GRK4: variants seen among roughly 807,000 people sequenced by gnomAD.
The protein encoded by GRK4 is G protein-coupled receptor kinase 4.
In GRK4, 73 loss-of-function variants were observed where a neutral mutation model predicts 77.9. The observed-to-expected ratio is 0.94, with a 90% CI of 0.78 to 1.14. GRK4 has a LOEUF of 1.14. Among genes scored for constraint, GRK4 ranks in the 50% most tolerant of loss-of-function variants. The pLI is 0.00. For synonymous variants in GRK4, 257 were observed against 254.4 expected, an observed-to-expected ratio of 1.01 and a Z score of -0.10; for missense variants, 729 against 700.2, an observed-to-expected ratio of 1.04 and a Z score of -0.46.
At chr4:2,971,540 G>C (rs1246008225) in intron 1 of GRK4, among the ~76,000 whole-genome samples, 1 of 152,206 alleles carries the variant, frequency 6.6e-6, no homozygotes, top group Non-Finnish European at 1.5e-5. Flanking sequence ...TGAAGCAGAA[G>C]TGGCCCAAAA....
intron 5 of GRK4, among the ~76,000 whole-genome samples, chr4:3,007,345 A>G (rs1019892740): frequency 2.0e-5 from 3 of 152,226 alleles, no homozygotes; most frequent in Non-Finnish European, 2.9e-5. Flanking sequence ...AGGTTGGGTA[A>G]GTTGGCTCAG....
intron 8 of GRK4, among the ~76,000 whole-genome samples, chr4:3,019,376 C>T (rs1462013105): frequency 1.3e-5 from 2 of 152,148 alleles, no homozygotes; most frequent in African/African-American, 4.8e-5. Flanking sequence ...GAGTCATGAT[C>T]CCAAGTATCT....
At chr4:3,014,378 C>T (rs1471183441) in intron 8 of GRK4, among the ~76,000 whole-genome samples, 1 of 151,120 alleles carries the variant, frequency 6.6e-6, no homozygotes, top group Non-Finnish European at 1.5e-5. Flanking sequence ...GTCACTGCAG[C>T]CTCAACCTTC....
In GRK4 at chr4:3,012,383, T is replaced by C. The variant is rs1253867155; in HGVS notation, c.601-1305T>C. Among the ~76,000 whole-genome samples, 4 of 152,340 alleles carry C rather than the reference T, an allele frequency of 2.6e-5. No individual in the cohort carries two copies. In the East Asian group the frequency reaches 7.7e-4, roughly 29 times the overall value. ...GCTGGAGTGGTGGGAACAGGGTATG[T>C]ATTCTTGCATACCCATGTAAGAAGG... is the stretch of plus-strand genomic sequence containing the variant. On this transcript the variant is annotated intron_variant, in intron 7 of 15. Coordinates refer to ENST00000398052, the MANE Select transcript of GRK4 (RefSeq NM_182982.3).
Position 2,963,988 on chromosome 4 carries a change from CGGG to C in GRK4, c.-80_-78del. On this transcript the variant is annotated 5_prime_UTR_variant, in exon 1 of 16. Transcript: ENST00000398052. ...AGGGTGGTGCCCGGCGAGCTATGCA[CGGG>C]GGCGGCGGCGTCTCCTCCTGTTCCG... 1 of 1,266,768 alleles carries C rather than the reference CGGG, an allele frequency of 7.9e-7. No homozygotes were observed. The highest frequency in any genetic ancestry group is 1.1e-6 in the Non-Finnish European group (1 of 883,858). The allele number at this position is 1,266,768 out of a possible 1,614,324, so 78.5% of individuals were successfully genotyped here.
chr4:3,018,629 G>C (rs1264564870), intron 8 of GRK4, among the ~76,000 whole-genome samples: 1 of 152,228 alleles, frequency 6.6e-6, no homozygotes, highest in East Asian at 1.9e-4. Context: ...CGTGATCCCA[G>C]CACTTTGGGA....
chr4:2,983,679 AT>A (rs370527093), intron 1 of GRK4, among the ~76,000 whole-genome samples: 5 of 151,862 alleles, frequency 3.3e-5, no homozygotes, highest in African/African-American at 1.2e-4. Flanking sequence ...TATGATTAGC[AT>A]TTTTTTCTTA....
At chr4:3,025,559 T>A (rs1238128906) in intron 10 of GRK4, among the ~76,000 whole-genome samples, 1 of 151,236 alleles carries the variant, frequency 6.6e-6, no homozygotes, top group Non-Finnish European at 1.5e-5. Context: ...CCGGCTAATT[T>A]TTTATATTTT....
At chr4:2,978,917 A>AC (rs1721977017) in intron 1 of GRK4, among the ~76,000 whole-genome samples, 1 of 152,024 alleles carries the variant, frequency 6.6e-6, no homozygotes, top group African/African-American at 2.4e-5. Context: ...ACATGCTGAA[A>AC]CCCCGTCTCT....
chr4:3,001,654 A>T (rs1046667701), intron 4 of GRK4, among the ~76,000 whole-genome samples: 5 of 152,212 alleles, frequency 3.3e-5, no homozygotes, highest in African/African-American at 1.2e-4. Context: ...GGCGTGAGCC[A>T]CCACGCCCGC....
intron 4 of GRK4, among the ~76,000 whole-genome samples, chr4:2,993,932 C>T (rs145544320): frequency 6.6e-6 from 1 of 152,270 alleles, no homozygotes; most frequent in African/African-American, 2.4e-5. Flanking sequence ...TGAAACATAG[C>T]CAACTGGATA....
intron 14 of GRK4, 49 bp from the exon 15 acceptor site, chr4:3,038,327 C>T (rs772321678): frequency 6.2e-7 from 1 of 1,609,592 alleles, no homozygotes; most frequent in Non-Finnish European, 8.5e-7. Flanking sequence ...CACCCACTGA[C>T]CTGGCAGTTT....
chr4:2,966,188 C>A (rs764765616), intron 1 of GRK4: 1 of 152,286 alleles, frequency 6.6e-6, no homozygotes, highest in East Asian at 1.9e-4. Flanking sequence ...CCGAGGCGGG[C>A]GGATCACAAG....
chr4:3,025,968 A>T (rs1236526531), intron 10 of GRK4, among the ~76,000 whole-genome samples: 1 of 152,220 alleles, frequency 6.6e-6, no homozygotes, highest in Non-Finnish European at 1.5e-5. Flanking sequence ...TGCAACACTC[A>T]TGGACGGCTT....
intron 8 of GRK4, among the ~76,000 whole-genome samples, chr4:3,015,407 C>T (rs867338014): frequency 6.6e-6 from 1 of 152,082 alleles, no homozygotes; most frequent in Non-Finnish European, 1.5e-5. Flanking sequence ...AGTGTGGGGC[C>T]GGGCGCGGTG....
chr4:3,018,025 AAAAAGGTT>A (rs966871646), intron 8 of GRK4, among the ~76,000 whole-genome samples: 6 of 151,828 alleles, frequency 4.0e-5, no homozygotes, highest in Non-Finnish European at 7.4e-5. Flanking sequence ...GAAAAGAAGA[AAAAAGGTT>A]AAAAAAAAGC....
At chr4:2,972,034 T>C (rs900625968) in intron 1 of GRK4, among the ~76,000 whole-genome samples, 24 of 152,242 alleles carry the variant, frequency 1.6e-4, no homozygotes, top group Non-Finnish European at 3.2e-4. Flanking sequence ...AATAGAACTC[T>C]AACATAAACG....
chr4:3,039,698 TAAAAAAA>T (rs10672202), intron 15 of GRK4, among the ~76,000 whole-genome samples: 1 of 115,220 alleles, frequency 8.7e-6, no homozygotes, highest in Non-Finnish European at 1.7e-5. Context: ...AACTCTGTCT[TAAAAAAA>T]AAAAAAAAAA....
chr4:3,031,040 A>G (rs1378911295), intron 12 of GRK4, among the ~76,000 whole-genome samples: 1 of 152,136 alleles, frequency 6.6e-6, no homozygotes, highest in Non-Finnish European at 1.5e-5. Flanking sequence ...CCGCTGTCAG[A>G]TTCAGGATGG....
Sources: allele counts gnomAD v4.1 joint callset (sites outside exome capture counted in the v4.1 genomes callset), GRCh38; gene constraint gnomAD v4.1.1; transcripts MANE v1.5; gene names NCBI Gene and HGNC (gene_info 2026-07-23, HGNC 2026-07-21).